The following ESR1 variants were observed in gnomAD, a reference collection of about 807,000 sequenced individuals.
ESR1 encodes the protein estrogen receptor 1, also known as estrogen receptor.
Under a neutral mutation model 52.7 loss-of-function variants are expected in ESR1, and 12 were observed. The observed-to-expected ratio is 0.23, with a 90% CI of 0.15 to 0.37. The LOEUF (loss-of-function observed/expected upper bound fraction) is 0.37. ESR1 is among the 10% of genes least tolerant of loss of function. The probability of loss-of-function intolerance (pLI) is 1.00; values close to 1 mark genes in which losing one functional copy is unlikely to be tolerated. For missense variants in ESR1, 584 were observed against 779.7 expected, an observed-to-expected ratio of 0.75 and a Z score of 2.99; for synonymous variants, 305 against 316.8, an observed-to-expected ratio of 0.96 and a Z score of 0.39.
intron 2 of ESR1, among the ~76,000 whole-genome samples, chr6:151,869,853 G>A (rs1173610966): frequency 6.6e-6 from 1 of 152,108 alleles, no homozygotes; most frequent in Non-Finnish European, 1.5e-5. Context: ...GGTGGTGGTT[G>A]TCACTGACAA....
chr6:152,021,311 T>C (rs2043628312), intron 5 of ESR1, among the ~76,000 whole-genome samples: 1 of 152,140 alleles, frequency 6.6e-6, no homozygotes, highest in Non-Finnish European at 1.5e-5. Context: ...AATATTCAGT[T>C]TTGGGACTCG....
At chr6:151,974,821 A>G (rs2039274330) in intron 4 of ESR1, among the ~76,000 whole-genome samples, 1 of 152,148 alleles carries the variant, frequency 6.6e-6, no homozygotes. Context: ...TGATCCCCAA[A>G]GCCGTCTTCA....
At chr6:151,886,159 C>A (rs571372489) in intron 3 of ESR1, among the ~76,000 whole-genome samples, 1 of 150,646 alleles carries the variant, frequency 6.6e-6, no homozygotes, top group South Asian at 2.1e-4. Context: ...GCTTTTTTTT[C>A]TTTTCTGATC....
intron 1 of ESR1, among the ~76,000 whole-genome samples, chr6:151,830,705 G>C (rs1018435695): frequency 6.6e-6 from 1 of 152,076 alleles, no homozygotes; most frequent in Non-Finnish European, 1.5e-5. Context: ...AGACTAAATG[G>C]GTTTTTAGGG....
chr6:151,792,672 C>G (rs1776285544), intron 2 of ESR1, among the ~76,000 whole-genome samples: 1 of 152,070 alleles, frequency 6.6e-6, no homozygotes, highest in African/African-American at 2.4e-5. Context: ...ACTCCTGACT[C>G]AAGCAATCCT....
chr6:151,908,807 TC>T (rs1268109393), intron 3 of ESR1, among the ~76,000 whole-genome samples: 15 of 152,022 alleles, frequency 9.9e-5, no homozygotes, highest in African/African-American at 3.1e-4. Flanking sequence ...TTGTGCCCTA[TC>T]CTTTTATTTG....
chr6:151,850,285 T>G (rs1488998039), intron 2 of ESR1, among the ~76,000 whole-genome samples: 1 of 149,984 alleles, frequency 6.7e-6, no homozygotes, highest in Non-Finnish European at 1.5e-5. Flanking sequence ...TTCCAGTATA[T>G]ACTTCAGTAT....
chr6:152,005,337 G>A (rs1350220867), intron 4 of ESR1, among the ~76,000 whole-genome samples: 1 of 151,848 alleles, frequency 6.6e-6, no homozygotes, highest in Non-Finnish European at 1.5e-5. Context: ...TGTTTTTATA[G>A]GGCTATTTGA....
chr6:151,731,945 G>T (rs886393820), intron 2 of ESR1, among the ~76,000 whole-genome samples: 2 of 152,166 alleles, frequency 1.3e-5, no homozygotes, highest in Admixed American at 6.5e-5. Flanking sequence ...CTGTGAAGTA[G>T]AAGACAAGAA....
At chr6:151,797,012 G>A (rs1776775633) in intron 2 of ESR1, among the ~76,000 whole-genome samples, 4 of 152,218 alleles carry the variant, frequency 2.6e-5, no homozygotes, top group Admixed American at 6.5e-5. Context: ...GTCATTGTGA[G>A]TGAGATCTGA....
At chr6:151,672,439 C>A (rs796176389) in intron 1 of ESR1, among the ~76,000 whole-genome samples, 2 of 152,002 alleles carry the variant, frequency 1.3e-5, no homozygotes, top group South Asian at 2.1e-4. Context: ...CAGGTTCCAG[C>A]GATTCTCCTG....
chr6:151,806,012 A>G (rs1420943219), upstream of ESR1, among the ~76,000 whole-genome samples: 1 of 152,170 alleles, frequency 6.6e-6, no homozygotes, highest in Non-Finnish European at 1.5e-5. Flanking sequence ...GCAGGTTCAC[A>G]TTTTTTAAGA....
chr6:151,851,552 G>A (rs540314336), intron 2 of ESR1, among the ~76,000 whole-genome samples: 41 of 138,596 alleles, frequency 3.0e-4, no homozygotes, highest in Admixed American at 6.2e-4. Flanking sequence ...TTTTGAGACA[G>A]AGTCTCACTC....
chr6:151,865,521 A>C (rs1583793149), intron 2 of ESR1, among the ~76,000 whole-genome samples: 1 of 152,236 alleles, frequency 6.6e-6, no homozygotes, highest in Non-Finnish European at 1.5e-5. Context: ...TTCCCTAAAC[A>C]GGCCCATATT....
intron 1 of ESR1, among the ~76,000 whole-genome samples, chr6:151,675,751 C>T (rs949268397): frequency 6.6e-6 from 1 of 152,152 alleles, no homozygotes; most frequent in African/African-American, 2.4e-5. Flanking sequence ...ATAATTTGGC[C>T]ATTAAACATT....
chr6:152,010,315 CAA>C (rs2042661750), intron 4 of ESR1, among the ~76,000 whole-genome samples: 1 of 151,974 alleles, frequency 6.6e-6, no homozygotes, highest in Admixed American at 6.6e-5. Flanking sequence ...TAAAGGAAAA[CAA>C]AATTCCATTT....
chr6:152,011,986 C>T (rs2042801830), intron 5 of ESR1, among the ~76,000 whole-genome samples, 192 bp downstream of exon 5: 1 of 150,316 alleles, frequency 6.7e-6, no homozygotes, highest in African/African-American at 2.5e-5. Flanking sequence ...TTCTGCTAGA[C>T]ATTACCTCAG....
At chr6:152,042,772 A>G (rs2045914128) in intron 5 of ESR1, among the ~76,000 whole-genome samples, 1 of 152,164 alleles carries the variant, frequency 6.6e-6, no homozygotes, top group Non-Finnish European at 1.5e-5. Context: ...TTCACTTTTT[A>G]GGAACACTGA....
At chr6:151,798,903 A>T (rs758432635) in intron 2 of ESR1, among the ~76,000 whole-genome samples, 4 of 152,230 alleles carry the variant, frequency 2.6e-5, no homozygotes, top group Non-Finnish European at 4.4e-5. Context: ...TAGATTACTC[A>T]TTTCTTCATG....
Sources: allele counts gnomAD v4.1 joint callset (sites outside exome capture counted in the v4.1 genomes callset), GRCh38; gene constraint gnomAD v4.1.1; transcripts MANE v1.5; gene names NCBI Gene and HGNC (gene_info 2026-07-23, HGNC 2026-07-21).